The following RAD51B variants were observed in gnomAD, a reference collection of about 807,000 sequenced individuals.
The protein encoded by RAD51B is RAD51 paralog B, also known as DNA repair protein RAD51 homolog 2.
Under a neutral mutation model 42.2 loss-of-function variants are expected in RAD51B, and 38 were observed. The observed-to-expected ratio is 0.90, with a 90% CI of 0.70 to 1.18. The LOEUF (loss-of-function observed/expected upper bound fraction) is 1.18. RAD51B is among the 50% of genes most tolerant of loss of function. The pLI, the probability that RAD51B is intolerant of heterozygous loss-of-function variation, is 0.00. For synonymous variants in RAD51B, 154 were observed against 145.2 expected, an observed-to-expected ratio of 1.06 and a Z score of -0.43; for missense variants, 373 against 400.7, an observed-to-expected ratio of 0.93 and a Z score of 0.59.
At chr14:68,661,665 A>G (rs1892936408) in intron 11 of RAD51B, among the ~76,000 whole-genome samples, 1 of 152,206 alleles carries the variant, frequency 6.6e-6, no homozygotes, top group Non-Finnish European at 1.5e-5. Flanking sequence ...GTGGCATGCA[A>G]ACATATTCAT....
intron 8 of RAD51B, among the ~76,000 whole-genome samples, chr14:68,337,933 A>G (rs2082490219): frequency 6.6e-6 from 1 of 151,822 alleles, no homozygotes; most frequent in Non-Finnish European, 1.5e-5. Flanking sequence ...CACCACACTC[A>G]GCAAATTTTT....
intron 7 of RAD51B, among the ~76,000 whole-genome samples, chr14:68,173,618 C>T (rs1036828302): frequency 2.0e-5 from 3 of 152,104 alleles, no homozygotes; most frequent in Non-Finnish European, 4.4e-5. Flanking sequence ...GGTCTTGGTC[C>T]TGGTTCATAG....
chr14:67,981,957 G>A (rs1376148287), intron 7 of RAD51B, among the ~76,000 whole-genome samples: 28 of 152,074 alleles, frequency 1.8e-4, no homozygotes, highest in Admixed American at 1.8e-3. Context: ...TTATTTTTGA[G>A]ACAGAGTCTC....
chr14:68,096,020 T>G lies in RAD51B; in HGVS notation c.757-195864T>G, dbSNP rs367785927. 3.5e-5 allele frequency among the ~76,000 whole-genome samples: 5 copies of G among 143,926 alleles called. No homozygotes were observed. In the East Asian group the frequency reaches 1.0e-3, roughly 29 times the overall value. The allele number at this position is 143,926 out of a possible 152,430, so 94.4% of individuals were successfully genotyped here. On this transcript the variant is annotated intron_variant, in intron 7 of 10. Transcript: ENST00000471583. ...AAGAAACAGACTCAGAAAGGTTAAG[T>G]GATTTTTCGAGGGCCATAGAGTAAT...
chr14:68,224,152 ATCTTTT>A, intron 7 of RAD51B, among the ~76,000 whole-genome samples: 1 of 152,166 alleles, frequency 6.6e-6, no homozygotes, highest in African/African-American at 2.4e-5. Flanking sequence ...TGTTTTCCGG[ATCTTTT>A]ATACCACCTC....
At chr14:68,129,728 T>C (rs1285437151) in intron 7 of RAD51B, among the ~76,000 whole-genome samples, 1 of 152,194 alleles carries the variant, frequency 6.6e-6, no homozygotes, top group South Asian at 2.1e-4. Flanking sequence ...CAGAGTGTAC[T>C]CCAGTGGTTC....
intron 7 of RAD51B, among the ~76,000 whole-genome samples, chr14:68,163,513 C>T (rs80306556): frequency 2.6e-5 from 4 of 152,310 alleles, no homozygotes; most frequent in East Asian, 1.9e-4. Flanking sequence ...TTTGGCCTCA[C>T]TTCTTTACCT....
chr14:67,917,824 A>G (rs566960928), intron 7 of RAD51B, among the ~76,000 whole-genome samples: 2 of 152,196 alleles, frequency 1.3e-5, no homozygotes, highest in East Asian at 3.9e-4. Context: ...AGTACTATAT[A>G]TATATATATT....
intron 10 of RAD51B, among the ~76,000 whole-genome samples, chr14:68,548,645 G>A (rs770890054): frequency 3.9e-5 from 6 of 152,328 alleles, no homozygotes; most frequent in African/African-American, 7.2e-5. Context: ...ATGTCTGTGC[G>A]TTCTGGGCCT....
intron 7 of RAD51B, among the ~76,000 whole-genome samples, chr14:68,103,703 G>A (rs978039201): frequency 6.6e-6 from 1 of 152,128 alleles, no homozygotes; most frequent in Non-Finnish European, 1.5e-5. Flanking sequence ...ATAAGAACAT[G>A]TCCTACCCGC....
intron 9 of RAD51B, among the ~76,000 whole-genome samples, chr14:68,433,522 C>A (rs1160161231): frequency 6.6e-6 from 1 of 152,218 alleles, no homozygotes; most frequent in East Asian, 1.9e-4. Flanking sequence ...GATACCCTTT[C>A]TTCCAGTTGA....
intron 7 of RAD51B, among the ~76,000 whole-genome samples, chr14:68,010,059 C>T (rs2075658102): frequency 6.6e-6 from 1 of 151,714 alleles, no homozygotes; most frequent in African/African-American, 2.4e-5. Flanking sequence ...TTTTGTTTTC[C>T]TCCAGTTCCT....
intron 7 of RAD51B, among the ~76,000 whole-genome samples, chr14:67,959,174 A>G (rs1243407399): frequency 6.6e-6 from 1 of 152,004 alleles, no homozygotes; most frequent in Non-Finnish European, 1.5e-5. Context: ...ATCACCTGCT[A>G]GTGTTACCAA....
chr14:68,281,534 G>C (rs1404780351), intron 7 of RAD51B, among the ~76,000 whole-genome samples: 1 of 152,118 alleles, frequency 6.6e-6, no homozygotes, highest in Non-Finnish European at 1.5e-5. Flanking sequence ...AAGCCCAGGG[G>C]ATCTGACTCC....
intron 7 of RAD51B, among the ~76,000 whole-genome samples, chr14:68,070,746 G>A (rs1309480860): frequency 6.6e-6 from 1 of 150,490 alleles, no homozygotes; most frequent in Non-Finnish European, 1.5e-5. Flanking sequence ...GCTTAGGATT[G>A]CTTTGGCTAT....
intron 8 of RAD51B, among the ~76,000 whole-genome samples, chr14:68,318,179 C>T (rs1182837871): frequency 1.3e-5 from 2 of 152,214 alleles, no homozygotes; most frequent in Non-Finnish European, 2.9e-5. Flanking sequence ...TTTTGACCAG[C>T]ACGTAATTTG....
chr14:68,036,921 A>T (rs1006429994), intron 7 of RAD51B, among the ~76,000 whole-genome samples: 4 of 151,548 alleles, frequency 2.6e-5, no homozygotes, highest in Non-Finnish European at 5.9e-5. Context: ...AATATTTATC[A>T]CCCTGTGGTT....
intron 7 of RAD51B, among the ~76,000 whole-genome samples, chr14:67,895,811 C>T (rs2043395331): frequency 6.6e-6 from 1 of 152,070 alleles, no homozygotes; most frequent in Non-Finnish European, 1.5e-5. Context: ...GTATACTACC[C>T]CGAGACCTCT....
chr14:68,185,797 A>G (rs564462860), intron 7 of RAD51B, among the ~76,000 whole-genome samples: 1 of 152,288 alleles, frequency 6.6e-6, no homozygotes, highest in South Asian at 2.1e-4. Flanking sequence ...TGTTCCTAAG[A>G]GAATCTAACT....
Sources: gnomAD v4.1 joint callset for allele counts (sites outside exome capture counted in the v4.1 genomes callset) on GRCh38, gnomAD v4.1.1 for gene constraint, MANE v1.5 for transcripts, NCBI Gene and HGNC (gene_info 2026-07-23, HGNC 2026-07-21) for gene names.